Variants in KIF21A observed in about 807,000 individuals in gnomAD.
The protein encoded by KIF21A is kinesin family member 21A.
In KIF21A, 114 loss-of-function variants were observed where a neutral mutation model predicts 202.9. The ratio of observed to expected loss-of-function variants is 0.56; its 90% CI spans 0.48 to 0.66. The LOEUF (loss-of-function observed/expected upper bound fraction) is 0.66. KIF21A is among the 30% of genes least tolerant of loss of function. The pLI is 0.00. For synonymous variants in KIF21A, 667 were observed against 670.8 expected (o/e 0.99, Z 0.09); for missense variants, 1,677 against 1,994.9 (o/e 0.84, Z 3.04).
chr12:39,366,115 A>G (rs1341438215), intron 6 of KIF21A, among the ~76,000 whole-genome samples: 1 of 152,238 alleles, frequency 6.6e-6, no homozygotes, highest in Non-Finnish European at 1.5e-5. Context: ...CTGCACATAT[A>G]AATTTTAGTA....
At chr12:39,309,137 T>C (rs1943761412) in intron 33 of KIF21A, among the ~76,000 whole-genome samples, 1 of 152,168 alleles carries the variant, frequency 6.6e-6, no homozygotes, top group Non-Finnish European at 1.5e-5. Flanking sequence ...GTCTCAGTCC[T>C]TAAAAAACAC....
At chr12:39,420,243 G>C (rs771151789) in intron 1 of KIF21A, among the ~76,000 whole-genome samples, 1 of 152,056 alleles carries the variant, frequency 6.6e-6, no homozygotes, top group African/African-American at 2.4e-5. Context: ...AAGGAAAGTT[G>C]ACTACAGGGG....
At chr12:39,333,191 T>A (rs756356163) in intron 18 of KIF21A, 21 bp downstream of exon 18, 1 of 1,611,884 alleles carries the variant, frequency 6.2e-7, no homozygotes, top group Non-Finnish European at 8.5e-7. Flanking sequence ...TTCTTCCAAA[T>A]GGTCAGCTTG....
intron 14 of KIF21A, among the ~76,000 whole-genome samples, 176 bp downstream of exon 14, chr12:39,341,329 T>C (rs1947424456): frequency 6.6e-6 from 1 of 152,090 alleles, no homozygotes; most frequent in East Asian, 1.9e-4. Flanking sequence ...AATGACTAAA[T>C]CCAGTAAGAG....
At chr12:39,416,842 T>C (rs984959757) in intron 1 of KIF21A, among the ~76,000 whole-genome samples, 12 of 139,618 alleles carry the variant, frequency 8.6e-5, no homozygotes, top group Admixed American at 5.9e-4. Context: ...TGTGTATATA[T>C]AGATATGTAC....
intron 10 of KIF21A, among the ~76,000 whole-genome samples, chr12:39,352,258 C>T (rs1383078162): frequency 6.6e-6 from 1 of 152,044 alleles, no homozygotes; most frequent in Non-Finnish European, 1.5e-5. Flanking sequence ...TCTGACTGCT[C>T]TAGCAATAAG....
Position 39,341,069 on chromosome 12 carries a change from G to A in KIF21A, c.1947C>T (p.Asn649=), listed in dbSNP as rs997787824. ...GCTTAATTGCAATTTCACAAGTAAT[G>A]TTTGCCAAGTCTGCTTGATAATTGG... The part of the protein sequence containing the change: ...EKANYQADLA[N]ITCEIAIKQK... Residue 649 remains asparagine, a synonymous_variant, in exon 15 of 38, where the codon AAC becomes AAT. Transcript: ENST00000361418. 1.9e-6 allele frequency: 3 copies of A among 1,608,658 alleles called. No individual in the cohort carries two copies. The African/African-American group carries it at 4.0e-5, about 21-fold the overall frequency.
At chr12:39,416,763 GTA>G (rs199748335) in intron 1 of KIF21A, among the ~76,000 whole-genome samples, 2,640 of 87,700 alleles carry the variant, frequency 0.03, 159 homozygotes, top group Non-Finnish European at 0.035. Flanking sequence ...ATATATATGT[GTA>G]TATATATATG....
At chr12:39,396,054 C>CAATT (rs1368154306) in intron 1 of KIF21A, among the ~76,000 whole-genome samples, 2 of 151,972 alleles carry the variant, frequency 1.3e-5, no homozygotes, top group Non-Finnish European at 2.9e-5. Context: ...GAGGCACGAA[C>CAATT]AATTAGTCCA....
chr12:39,345,135 G>T (rs1456258364), intron 12 of KIF21A, among the ~76,000 whole-genome samples: 1 of 152,208 alleles, frequency 6.6e-6, no homozygotes, highest in Non-Finnish European at 1.5e-5. Context: ...TGTTTGAGAA[G>T]TTGTTCTGTA....
chr12:39,398,997 G>A (rs978806621), intron 1 of KIF21A, among the ~76,000 whole-genome samples: 2 of 152,126 alleles, frequency 1.3e-5, no homozygotes, highest in African/African-American at 2.4e-5. Flanking sequence ...GCTGAGGCAG[G>A]AGAATCACTT....
Position 39,303,042 on chromosome 12 carries a change from G to T in KIF21A, c.4654C>A (p.Gln1552Lys). 6.2e-7 allele frequency: 1 copy of T among 1,613,792 alleles called. No homozygotes were observed. The highest frequency in any genetic ancestry group is 8.5e-7 in the Non-Finnish European group (1 of 1,179,744). The change falls in exon 36 of 38, where the codon CAA (glutamine) becomes AAA (lysine). Residue 1552 changes from glutamine (Q) to lysine (K), a missense_variant. Gln to Lys is a moderately conservative substitution (Grantham distance 53). Around this residue, in one of 3 missense-constraint regions of KIF21A, gnomAD observed 705 missense variants for 791.9 expected, o/e 0.89. Coordinates refer to ENST00000361418, the MANE Select transcript of KIF21A (RefSeq NM_001173464.2). ...GACCCACTAAATAGGTTATCCCCTT[G>T]AATGGTTAGTGCTTCTATGCCATCA... ...HYDGIEALTI[Q>K]GDNLFSGSRD...
intron 1 of KIF21A, among the ~76,000 whole-genome samples, chr12:39,404,258 C>G (rs2139915681): frequency 1.3e-5 from 2 of 152,224 alleles, no homozygotes; most frequent in Admixed American, 1.3e-4. Context: ...GTTGCCATGC[C>G]TAGGTCCAGG....
chr12:39,348,125 T>G (rs1948058741), intron 11 of KIF21A, among the ~76,000 whole-genome samples: 1 of 152,020 alleles, frequency 6.6e-6, no homozygotes, highest in Non-Finnish European at 1.5e-5. Context: ...GCCTCCTAAA[T>G]TGCCTTTTTA....
In KIF21A at chr12:39,416,715, GTATATATGTACATATATATGTGTA is replaced by G. The variant is rs1366785582; in HGVS notation, c.44+26188_44+26211del. On this transcript the variant is annotated intron_variant, in intron 1 of 37. Coordinates refer to ENST00000361418, the MANE Select transcript of KIF21A (RefSeq NM_001173464.2). ...TATATATATGTACATATATATGTGT[GTATATATGTACATATATATGTGTA>G]TATATATATGTACATATATATGTGT... Among the ~76,000 whole-genome samples the G allele has an allele frequency of 9.6e-3, 713 of 74,200 alleles. 29 individuals are homozygous for G. Among genetic ancestry groups the G allele is most frequent in the African/African-American group, 0.023 (313 of 13,778 alleles). 48.7% of individuals were successfully genotyped at this position (74,200 alleles called of 152,430 possible).
chr12:39,426,826 G>C (rs1218202651), intron 1 of KIF21A, among the ~76,000 whole-genome samples: 1 of 150,124 alleles, frequency 6.7e-6, no homozygotes, highest in African/African-American at 2.5e-5. Flanking sequence ...ACAGATTACA[G>C]TGAGGTGAGA....
chr12:39,330,269 A>G lies in KIF21A; in HGVS notation c.3320-7T>C, dbSNP rs1269108522. The G allele has an allele frequency of 6.2e-7, 1 of 1,611,816 alleles. No individual in the cohort carries two copies. The highest frequency in any genetic ancestry group is 8.5e-7 in the Non-Finnish European group (1 of 1,178,180). ...AATGGTACGCTATCTAGATCTGTGT[A>G]AATAACAGCAAAAAGGAAACAAAAA... On this transcript the variant is annotated splice_polypyrimidine_tract_variant and splice_region_variant and intron_variant, in intron 23 of 37. Coordinates refer to ENST00000361418, the MANE Select transcript of KIF21A (RefSeq NM_001173464.2).
chr12:39,417,805 C>CAGTATGACA (rs1316729742), intron 1 of KIF21A, among the ~76,000 whole-genome samples: 1 of 151,980 alleles, frequency 6.6e-6, no homozygotes, highest in Non-Finnish European at 1.5e-5. Context: ...ATATAAAATA[C>CAGTATGACA]AGTATGACAA....
At chr12:39,361,883 T>C (rs982640832) in intron 7 of KIF21A, among the ~76,000 whole-genome samples, 1 of 152,144 alleles carries the variant, frequency 6.6e-6, no homozygotes, top group African/African-American at 2.4e-5. Flanking sequence ...ATTTGGATAA[T>C]AGTTGTTGAT....
Sources: allele counts gnomAD v4.1 joint callset (sites outside exome capture counted in the v4.1 genomes callset), GRCh38; gene constraint gnomAD v4.1.1; regional missense constraint gnomAD v4.1.1; transcripts MANE v1.5; gene names NCBI Gene and HGNC (gene_info 2026-07-23, HGNC 2026-07-21).